Variants in ORMDL1 observed in about 807,000 individuals in gnomAD.
ORMDL1 encodes ORMDL sphingolipid biosynthesis regulator 1.
In ORMDL1, 10 loss-of-function variants were observed where a neutral mutation model predicts 13.0. The ratio of observed to expected loss-of-function variants is 0.77; its 90% CI spans 0.47 to 1.30. The LOEUF (loss-of-function observed/expected upper bound fraction) is 1.30. Ranked by LOEUF, ORMDL1 falls within the 50% of genes most tolerant of loss-of-function variation. The pLI is 0.00. For synonymous variants in ORMDL1, 61 were observed against 63.9 expected (o/e 0.95, Z 0.22); for missense variants, 171 against 186.7 (o/e 0.92, Z 0.49).
downstream of ORMDL1, among the ~76,000 whole-genome samples, chr2:189,768,771 T>C (rs1271770333): frequency 1.3e-5 from 2 of 152,194 alleles, no homozygotes; most frequent in African/African-American, 4.8e-5. Context: ...TCACCTCTTG[T>C]ATTTAACTCT....
downstream of ORMDL1, among the ~76,000 whole-genome samples, chr2:189,767,793 T>C (rs963451565): frequency 2.6e-5 from 4 of 152,202 alleles, no homozygotes; most frequent in Admixed American, 6.5e-5. Context: ...AGTCAAGAAA[T>C]GAAATAAATT....
rs1226603201 is a variant in ORMDL1, at chr2:189,775,489, A to G, written c.326+76T>C. ...AAGTTTGCAACAAAATATGTTTCTA[A>G]TTCCAATTCAATCTGATGAAAAGAT... is the stretch of plus-strand genomic sequence containing the variant. On this transcript the variant is annotated intron_variant, in intron 4 of 4. Coordinates refer to ENST00000392349, the MANE Select transcript of ORMDL1 (RefSeq NM_016467.5). The G allele has an allele frequency of 5.6e-6, 8 of 1,420,446 alleles. No individual in the cohort carries two copies. In the African/African-American group the frequency reaches 1.2e-4, roughly 21 times the overall value. 88.0% of individuals were successfully genotyped at this position (1,420,446 alleles called of 1,614,324 possible).
At chr2:189,778,392 C>CT (rs1290051002) in intron 3 of ORMDL1, 8 of 452,576 alleles carry the variant, frequency 1.8e-5, no homozygotes, top group Non-Finnish European at 3.5e-5. Context: ...GAAACTCCGT[C>CT]TCAAAAAAAA....
chr2:189,771,979 GA>G (rs1402537016), intron 4 of ORMDL1, 77 bp from the exon 5 acceptor site: 100 of 1,120,806 alleles, frequency 8.9e-5, no homozygotes, highest in Non-Finnish European at 1.1e-4. Context: ...TTTAAAGGTA[GA>G]AAAAAAGGCC....
At chr2:189,768,149 A>G (rs2047513370), downstream of ORMDL1, among the ~76,000 whole-genome samples, 3 of 152,206 alleles carry the variant, frequency 2.0e-5, no homozygotes, top group South Asian at 6.2e-4. Context: ...TTGACACAAC[A>G]AAGGAGAGTT....
rs1020099769 is a variant in ORMDL1, at chr2:189,782,824, T to C, written c.-8+190A>G. ...GGTAAGACAAGACTTGTTATTATGG[T>C]TCTATTTGAAAAAATAGTTACAATG... On this transcript the variant is annotated intron_variant, in intron 2 of 4. Coordinates refer to ENST00000392349, the MANE Select transcript of ORMDL1 (RefSeq NM_016467.5). The C allele has an allele frequency of 3.1e-5, 13 of 418,090 alleles. No individual in the cohort carries two copies. The East Asian group carries it at 4.2e-4, about 13-fold the overall frequency. 25.9% of individuals were successfully genotyped at this position (418,090 alleles called of 1,614,324 possible).
intron 3 of ORMDL1, among the ~76,000 whole-genome samples, chr2:189,781,352 G>A (rs17199067): frequency 0.034 from 5,128 of 152,174 alleles, 108 homozygotes; most frequent in Non-Finnish European, 0.05. Flanking sequence ...TCAACTAACT[G>A]TATTTCCTCC....
intron 3 of ORMDL1, among the ~76,000 whole-genome samples, chr2:189,779,601 A>G (rs903446479): frequency 2.0e-5 from 3 of 152,232 alleles, no homozygotes; most frequent in South Asian, 2.1e-4. Context: ...ATGTCACACA[A>G]GAAACTTGGA....
intron 3 of ORMDL1, among the ~76,000 whole-genome samples, chr2:189,779,867 C>T (rs1440638590): frequency 6.6e-6 from 1 of 152,202 alleles, no homozygotes; most frequent in Non-Finnish European, 1.5e-5. Context: ...TATCCTAAGA[C>T]TTAGGTGACC....
chr2:189,778,831 G>T (rs2047757735), intron 3 of ORMDL1, among the ~76,000 whole-genome samples: 1 of 152,064 alleles, frequency 6.6e-6, no homozygotes, highest in Non-Finnish European at 1.5e-5. Flanking sequence ...GGAGGTGCAG[G>T]TTGCAGTGAG....
At chr2:189,778,616 C>T (rs944583093) in intron 3 of ORMDL1, among the ~76,000 whole-genome samples, 2 of 151,972 alleles carry the variant, frequency 1.3e-5, no homozygotes, top group Non-Finnish European at 2.9e-5. Flanking sequence ...GAGACTGGGC[C>T]GGGCATGGTA....
At chr2:189,766,348 T>A (rs145960986), downstream of ORMDL1, among the ~76,000 whole-genome samples, 8 of 152,342 alleles carry the variant, frequency 5.3e-5, no homozygotes, top group Non-Finnish European at 8.8e-5. Flanking sequence ...AGGAACTAAG[T>A]ACATTCACAT....
At chr2:189,776,369 T>C (rs2047695140) in intron 3 of ORMDL1, among the ~76,000 whole-genome samples, 1 of 152,166 alleles carries the variant, frequency 6.6e-6, no homozygotes, top group Non-Finnish European at 1.5e-5. Context: ...AAAGCCATTC[T>C]GTCAGATCAT....
Position 189,775,591 on chromosome 2 carries a change from C to A in ORMDL1, c.300G>T (p.Lys100Asn), listed in dbSNP as rs371928677. The A allele has an allele frequency of 1.9e-5, 30 of 1,602,730 alleles. No individual in the cohort carries two copies. Among genetic ancestry groups the A allele is most frequent in the Non-Finnish European group, 2.6e-5 (30 of 1,175,150 alleles). The change falls in exon 4 of 5, where the codon AAG (lysine) becomes AAT (asparagine). Residue 100 changes from lysine to asparagine, a missense_variant. Transcript: ENST00000392349. Reference sequence around the variant, plus strand: ...GAATTATTGGAGAAATTGTGAAAAACTTCCGTGAAGATGTAAACTGTACTC... The same window carrying A: ...GAATTATTGGAGAAATTGTGAAAAAATTCCGTGAAGATGTAAACTGTACTC... ...DYGVQFTSSRKFFTISPIILY... is the reference protein window; with the variant it reads ...DYGVQFTSSRNFFTISPIILY...
At chr2:189,770,235 A>G (rs183837818), downstream of ORMDL1, 35 of 152,342 alleles carry the variant, frequency 2.3e-4, no homozygotes, top group African/African-American at 7.9e-4. Flanking sequence ...GCTTTTTGTT[A>G]CTTTAATTTT....
At chr2:189,778,836 A>C (rs894736381) in intron 3 of ORMDL1, among the ~76,000 whole-genome samples, 1 of 152,166 alleles carries the variant, frequency 6.6e-6, no homozygotes, top group Admixed American at 6.5e-5. Flanking sequence ...TGCAGGTTGC[A>C]GTGAGCCAAG....
chr2:189,775,697 T>G lies in ORMDL1; in HGVS notation c.194A>C (p.His65Pro), dbSNP rs776229038. Reference sequence around the variant, plus strand: ...TTCGAAAGGTGTTCCTTTCACTGCATGCAAAAATACGTACATCCCCTGGAA... The same window carrying G: ...TTCGAAAGGTGTTCCTTTCACTGCAGGCAAAAATACGTACATCCCCTGGAA... ...IHNLGMYVFL[H>P]AVKGTPFETP... The change falls in exon 4 of 5, where the codon CAT (histidine) becomes CCT (proline). Residue 65 changes from histidine to proline, a missense_variant. Coordinates refer to ENST00000392349, the MANE Select transcript of ORMDL1 (RefSeq NM_016467.5). 1 of 1,612,856 alleles carries G rather than the reference T, an allele frequency of 6.2e-7. No individual in the cohort carries two copies. Among genetic ancestry groups the G allele is most frequent in the African/African-American group, 1.3e-5 (1 of 74,814 alleles).
intron 4 of ORMDL1, chr2:189,775,157 G>A: frequency 6.5e-6 from 1 of 154,348 alleles, no homozygotes; most frequent in Non-Finnish European, 1.4e-5. Context: ...TCTTTCCCAA[G>A]GAGTCTGAAT....
chr2:189,775,609 C>T lies in ORMDL1; in HGVS notation c.282G>A (p.Gln94=). ...THWEQLDYGV[Q]FTSSRKFFTI... ...TGAAAAACTTCCGTGAAGATGTAAA[C>T]TGTACTCCATAGTCCAGTTGTTCCC... Residue 94 remains glutamine (Q), a synonymous_variant, in exon 4 of 5, where the codon CAG becomes CAA. Coordinates refer to ENST00000392349, the MANE Select transcript of ORMDL1 (RefSeq NM_016467.5). 1 of 1,612,514 alleles carries T rather than the reference C, an allele frequency of 6.2e-7. No homozygotes were observed. Among genetic ancestry groups the T allele is most frequent in the Non-Finnish European group, 8.5e-7 (1 of 1,179,408 alleles).
Sources: gnomAD v4.1 joint callset for allele counts (sites outside exome capture counted in the v4.1 genomes callset) on GRCh38, gnomAD v4.1.1 for gene constraint, MANE v1.5 for transcripts, NCBI Gene and HGNC (gene_info 2026-07-23, HGNC 2026-07-21) for gene names.